The following MCF2L2 variants were observed in gnomAD, a reference collection of about 807,000 sequenced individuals.
The protein encoded by MCF2L2 is probable guanine nucleotide exchange factor MCF2L2.
In MCF2L2, 102 loss-of-function variants were observed where a neutral mutation model predicts 150.2. The ratio of observed to expected loss-of-function variants is 0.68; its 90% CI spans 0.58 to 0.80. The LOEUF is 0.80. MCF2L2 is among the 30% of genes least tolerant of loss of function. MCF2L2 has a pLI of 0.00. For missense variants in MCF2L2, 1,256 were observed against 1,372.8 expected (o/e 0.91, Z 1.34); for synonymous variants, 465 against 491.3 (o/e 0.95, Z 0.71).
intron 5 of MCF2L2, among the ~76,000 whole-genome samples, chr3:183,334,532 A>G (rs1730391578): frequency 6.6e-6 from 1 of 152,084 alleles, no homozygotes; most frequent in Non-Finnish European, 1.5e-5. Context: ...TCACGCCTGT[A>G]ATACCGGCAC....
intron 15 of MCF2L2, among the ~76,000 whole-genome samples, chr3:183,232,041 T>C (rs749663070): frequency 6.6e-6 from 1 of 152,194 alleles, no homozygotes; most frequent in Non-Finnish European, 1.5e-5. Context: ...GGTAATCCAG[T>C]TGGGCCTGTC....
intron 26 of MCF2L2, among the ~76,000 whole-genome samples, chr3:183,193,802 T>C (rs138815980): frequency 1.3e-5 from 2 of 152,194 alleles, no homozygotes; most frequent in Admixed American, 6.5e-5. Flanking sequence ...CTACTAAGCA[T>C]TGGAGGTCCA....
chr3:183,421,454 A>C (rs1224839182), intron 1 of MCF2L2, among the ~76,000 whole-genome samples: 1 of 151,894 alleles, frequency 6.6e-6, no homozygotes. Flanking sequence ...TAAATTTTTA[A>C]TTTCACTTAT....
At chr3:183,410,457 G>C (rs1340502402) in intron 1 of MCF2L2, among the ~76,000 whole-genome samples, 1 of 152,212 alleles carries the variant, frequency 6.6e-6, no homozygotes, top group Non-Finnish European at 1.5e-5. Context: ...CCAGTGTTAA[G>C]AGCTCAGGCC....
At chr3:183,393,595 T>G (rs1046380530) in intron 1 of MCF2L2, among the ~76,000 whole-genome samples, 4 of 152,230 alleles carry the variant, frequency 2.6e-5, no homozygotes, top group Non-Finnish European at 4.4e-5. Flanking sequence ...GAAAAACTTG[T>G]CTCTTTTCTA....
At chr3:183,212,430 G>C (rs900896392) in intron 22 of MCF2L2, among the ~76,000 whole-genome samples, 1 of 152,296 alleles carries the variant, frequency 6.6e-6, no homozygotes, top group South Asian at 2.1e-4. Context: ...TCAAATGAGC[G>C]AGCGATAAGT....
chr3:183,348,657 G>C (rs56274765), intron 3 of MCF2L2, among the ~76,000 whole-genome samples: 13,850 of 152,084 alleles, frequency 0.091, 1,450 homozygotes, highest in African/African-American at 0.25. Context: ...GAGAGAGTTA[G>C]ATTGAAAGAA....
rs1404600080 is a variant in MCF2L2, at chr3:183,216,570, ATATATATATATTTTTTTTTT to A, written c.2371-496_2371-477del. Among the ~76,000 whole-genome samples the A allele has an allele frequency of 2.0e-3, 55 of 26,968 alleles. 5 individuals are homozygous for A. Among genetic ancestry groups the A allele is most frequent in the South Asian group, 6.6e-3 (6 of 916 alleles). The allele number at this position is 26,968 out of a possible 152,430, so 17.7% of individuals were successfully genotyped here. A position where few individuals can be genotyped will look rare whatever the true frequency, so the allele number is the denominator to read the frequency against. ...ATATATATTATATATATATATATAT[ATATATATATATTTTTTTTTT>A]TTTTTTTTTTTTTTTTTTTTTTTTT... On this transcript the variant is annotated intron_variant, in intron 21 of 29. Transcript: ENST00000328913.
At chr3:183,421,191 C>T (rs1475260219) in intron 1 of MCF2L2, among the ~76,000 whole-genome samples, 1 of 152,124 alleles carries the variant, frequency 6.6e-6, no homozygotes, top group Non-Finnish European at 1.5e-5. Context: ...CATTGAGCTT[C>T]TTTGATGTAC....
chr3:183,380,206 A>G (rs1016679707), intron 2 of MCF2L2, among the ~76,000 whole-genome samples: 3 of 152,144 alleles, frequency 2.0e-5, no homozygotes, highest in Non-Finnish European at 4.4e-5. Flanking sequence ...GTCCCCTTGC[A>G]GCTGCATGGA....
intron 3 of MCF2L2, among the ~76,000 whole-genome samples, chr3:183,359,003 G>GA (rs772361740): frequency 1.4e-5 from 2 of 143,372 alleles, no homozygotes; most frequent in Non-Finnish European, 3.1e-5. Flanking sequence ...AGTTCATTGG[G>GA]TTTTTTTTTT....
At chr3:183,261,235 T>G (rs913812901) in intron 15 of MCF2L2, among the ~76,000 whole-genome samples, 1 of 152,218 alleles carries the variant, frequency 6.6e-6, no homozygotes, top group Non-Finnish European at 1.5e-5. Flanking sequence ...CCAGTAAATC[T>G]GGGGCTTTTT....
chr3:183,219,802 G>T, intron 21 of MCF2L2, 54 bp downstream of exon 21: 2 of 1,233,554 alleles, frequency 1.6e-6, no homozygotes, highest in South Asian at 1.3e-5. Flanking sequence ...CCGACCCATA[G>T]ACAAACACCA....
intron 3 of MCF2L2, among the ~76,000 whole-genome samples, chr3:183,369,613 T>C (rs531590884): frequency 1.4e-4 from 21 of 152,294 alleles, no homozygotes; most frequent in African/African-American, 5.1e-4. Context: ...CATAAATTCC[T>C]GTTCCCTCTA....
intron 1 of MCF2L2, among the ~76,000 whole-genome samples, chr3:183,424,349 G>A (rs1244996600): frequency 6.6e-6 from 1 of 152,196 alleles, no homozygotes; most frequent in Non-Finnish European, 1.5e-5. Context: ...AGGAACACAT[G>A]AAGGGCTTCA....
intron 10 of MCF2L2, among the ~76,000 whole-genome samples, chr3:183,309,096 CT>C (rs1197622255): frequency 6.6e-6 from 1 of 152,210 alleles, no homozygotes; most frequent in Non-Finnish European, 1.5e-5. Context: ...ATCTGGGACA[CT>C]GTTTAATTCC....
At chr3:183,289,589 C>T (rs576524023) in intron 13 of MCF2L2, among the ~76,000 whole-genome samples, 1 of 152,324 alleles carries the variant, frequency 6.6e-6, no homozygotes, top group East Asian at 1.9e-4. Context: ...GGTTTGGTGG[C>T]TCACACCTGT....
chr3:183,243,074 A>G (rs532769968), intron 15 of MCF2L2, among the ~76,000 whole-genome samples: 1 of 152,306 alleles, frequency 6.6e-6, no homozygotes, highest in African/African-American at 2.4e-5. Context: ...CAATGTCTAC[A>G]CCCACATTTT....
chr3:183,401,511 C>A (rs1047285403), intron 1 of MCF2L2, among the ~76,000 whole-genome samples: 1 of 152,120 alleles, frequency 6.6e-6, no homozygotes, highest in Non-Finnish European at 1.5e-5. Context: ...TGAGCTTTGA[C>A]AAAAGAATAC....
Sources: allele counts gnomAD v4.1 joint callset (sites outside exome capture counted in the v4.1 genomes callset), GRCh38; gene constraint gnomAD v4.1.1; transcripts MANE v1.5; gene names NCBI Gene and HGNC (gene_info 2026-07-23, HGNC 2026-07-21).